The following CDKAL1 variants were observed in gnomAD, a reference collection of about 807,000 sequenced individuals.
CDKAL1 encodes the protein threonylcarbamoyladenosine tRNA methylthiotransferase.
A neutral mutation model predicts 68.2 loss-of-function variants in CDKAL1; 32 were observed. That is an observed-to-expected ratio of 0.47 (90% CI 0.35 to 0.63). CDKAL1 has a LOEUF of 0.63. CDKAL1 is among the 30% of genes least tolerant of loss of function. The probability of loss-of-function intolerance (pLI) is 0.00; values close to 1 mark genes in which losing one functional copy is unlikely to be tolerated. For missense variants in CDKAL1, 606 were observed against 696.7 expected (o/e 0.87, Z 1.47); for synonymous variants, 234 against 244.3 (o/e 0.96, Z 0.39).
chr6:21,048,306 A>C (rs974343816), intron 11 of CDKAL1, among the ~76,000 whole-genome samples: 1 of 152,114 alleles, frequency 6.6e-6, no homozygotes, highest in African/African-American at 2.4e-5. Context: ...TAGTTTGCCA[A>C]CCTCTGACCT....
chr6:21,190,712 AAAT>A (rs1278225554), intron 13 of CDKAL1, among the ~76,000 whole-genome samples: 4 of 152,206 alleles, frequency 2.6e-5, no homozygotes, highest in African/African-American at 9.6e-5. Flanking sequence ...TGGACAGAAA[AAAT>A]AATTGTCAGC....
In CDKAL1 at chr6:20,542,574, TC is replaced by T. The variant is rs147671979; in HGVS notation, c.-5-3764del. Reference sequence around the variant, plus strand: ...TATCAGTAAGTATATACGAGTGTATTCCCCCCCCATTTTTTTCTTAACTATT... The same window carrying T: ...TATCAGTAAGTATATACGAGTGTATTCCCCCCCATTTTTTTCTTAACTATT... On this transcript the variant is annotated intron_variant, in intron 2 of 15. Coordinates refer to ENST00000274695, the MANE Select transcript of CDKAL1 (RefSeq NM_017774.3). 6.7e-3 allele frequency among the ~76,000 whole-genome samples: 1,021 copies of T among 151,546 alleles called. 9 individuals carry two copies. Among genetic ancestry groups the T allele is most frequent in the African/African-American group, 0.023 (965 of 41,150 alleles).
At chr6:20,948,574 T>A (rs1164965230) in intron 9 of CDKAL1, among the ~76,000 whole-genome samples, 1 of 152,238 alleles carries the variant, frequency 6.6e-6, no homozygotes, top group Non-Finnish European at 1.5e-5. Context: ...ATTGCAGGCA[T>A]CTAATGATTT....
At chr6:21,013,162 G>A (rs1768113863) in intron 11 of CDKAL1, among the ~76,000 whole-genome samples, 1 of 152,146 alleles carries the variant, frequency 6.6e-6, no homozygotes, top group Non-Finnish European at 1.5e-5. Context: ...CTATGATACT[G>A]TAGCCAATGC....
chr6:20,899,390 G>GT (rs1178313987), intron 9 of CDKAL1, among the ~76,000 whole-genome samples: 14 of 152,068 alleles, frequency 9.2e-5, no homozygotes, highest in Non-Finnish European at 1.9e-4. Flanking sequence ...CCACGCCACA[G>GT]TACGTCTTGT....
At chr6:20,795,928 C>T (rs1386223272) in intron 8 of CDKAL1, among the ~76,000 whole-genome samples, 2 of 152,148 alleles carry the variant, frequency 1.3e-5, no homozygotes, top group Non-Finnish European at 2.9e-5. Flanking sequence ...TTAAAGCTGA[C>T]TTGGCCAGTA....
In CDKAL1 at chr6:20,535,436, G is replaced by A. The variant is rs566993110; in HGVS notation, c.-6+42G>A. On this transcript the variant is annotated intron_variant, in intron 2 of 15. Coordinates refer to ENST00000274695, the MANE Select transcript of CDKAL1 (RefSeq NM_017774.3). ...AACCTTTTATGTTTGAGTGCTGTGC[G>A]TATTTCTGCATGTTAGAAAATGCAG... 12 of 152,390 alleles carry A rather than the reference G, an allele frequency of 7.9e-5. 1 individual carries two copies. The highest frequency in any genetic ancestry group is 2.6e-4 in the African/African-American group (11 of 41,544). The allele number at this position is 152,390 out of a possible 1,614,324, so 9.4% of individuals were successfully genotyped here.
intron 4 of CDKAL1, among the ~76,000 whole-genome samples, chr6:20,640,730 T>G (rs1365977012): frequency 2.0e-5 from 3 of 152,254 alleles, no homozygotes; most frequent in South Asian, 2.1e-4. Flanking sequence ...TGAGCCATTA[T>G]AATTTCCTTA....
At chr6:20,731,263 T>C (rs568816521) in intron 5 of CDKAL1, among the ~76,000 whole-genome samples, 7 of 152,324 alleles carry the variant, frequency 4.6e-5, no homozygotes, top group African/African-American at 1.4e-4. Context: ...GGCTTCTGTT[T>C]TAAAATGACC....
At chr6:20,825,589 C>T (rs534154834) in intron 8 of CDKAL1, among the ~76,000 whole-genome samples, 1 of 152,232 alleles carries the variant, frequency 6.6e-6, no homozygotes, top group African/African-American at 2.4e-5. Flanking sequence ...CATTATGTCA[C>T]ACACTGTGCT....
At chr6:21,073,925 C>T (rs892030662) in intron 12 of CDKAL1, among the ~76,000 whole-genome samples, 1 of 152,164 alleles carries the variant, frequency 6.6e-6, no homozygotes, top group African/African-American at 2.4e-5. Context: ...AACTTAGGTT[C>T]AGAGTGTCCT....
intron 10 of CDKAL1, among the ~76,000 whole-genome samples, chr6:20,957,340 A>G (rs899093324): frequency 3.3e-5 from 5 of 152,314 alleles, no homozygotes; most frequent in Middle Eastern, 3.4e-3. Context: ...AATTGATTGC[A>G]AGATTGCAGC....
chr6:20,864,439 G>T (rs1759798908), intron 9 of CDKAL1, among the ~76,000 whole-genome samples: 1 of 151,998 alleles, frequency 6.6e-6, no homozygotes, highest in South Asian at 2.1e-4. Flanking sequence ...ACAAACATTT[G>T]TCAAGTGCCT....
chr6:20,959,610 A>G (rs1281648149), intron 10 of CDKAL1, among the ~76,000 whole-genome samples: 1 of 150,980 alleles, frequency 6.6e-6, no homozygotes, highest in Non-Finnish European at 1.5e-5. Flanking sequence ...CTCATGATAT[A>G]CTTACCATAT....
intron 9 of CDKAL1, among the ~76,000 whole-genome samples, chr6:20,883,059 G>T (rs1760901358): frequency 6.6e-6 from 1 of 152,102 alleles, no homozygotes; most frequent in African/African-American, 2.4e-5. Context: ...TCATCCGTAA[G>T]AGAGAAACCT....
chr6:21,023,538 T>C (rs1364930084), intron 11 of CDKAL1, among the ~76,000 whole-genome samples: 1 of 152,204 alleles, frequency 6.6e-6, no homozygotes, highest in Non-Finnish European at 1.5e-5. Flanking sequence ...GGCTTTTTTT[T>C]TCCATACCCC....
intron 9 of CDKAL1, among the ~76,000 whole-genome samples, chr6:20,935,589 G>A (rs915706881): frequency 3.9e-5 from 6 of 151,982 alleles, no homozygotes; most frequent in South Asian, 4.2e-4. Flanking sequence ...ACCTCCACAC[G>A]CAGCTAATTT....
chr6:20,876,611 G>A (rs535919191), intron 9 of CDKAL1, among the ~76,000 whole-genome samples: 1 of 152,002 alleles, frequency 6.6e-6, no homozygotes, highest in Admixed American at 6.6e-5. Flanking sequence ...CAGGAGACAG[G>A]GATTTCTTGG....
chr6:21,135,775 G>C (rs1363516443), intron 13 of CDKAL1: 5 of 821,034 alleles, frequency 6.1e-6, no homozygotes, highest in Non-Finnish European at 7.4e-6. Context: ...CAGAAAGACA[G>C]CTTTCAAGAG....
Sources: gnomAD v4.1 joint callset for allele counts (sites outside exome capture counted in the v4.1 genomes callset) on GRCh38, gnomAD v4.1.1 for gene constraint, MANE v1.5 for transcripts, NCBI Gene and HGNC (gene_info 2026-07-23, HGNC 2026-07-21) for gene names.